The following DLGAP2 variants were observed in gnomAD, a reference collection of about 807,000 sequenced individuals.
DLGAP2 encodes disks large-associated protein 2.
DLGAP2 carries 26 observed loss-of-function variants against 100.3 expected under a neutral mutation model. The ratio of observed to expected loss-of-function variants is 0.26; its 90% CI spans 0.19 to 0.36. DLGAP2 has a LOEUF of 0.36. Ranked by LOEUF, DLGAP2 falls within the 10% of genes least tolerant of loss-of-function variation. The pLI is 1.00. For synonymous variants in DLGAP2, 886 were observed against 630.1 expected, an observed-to-expected ratio of 1.41 and a Z score of -6.08; for missense variants, 1,858 against 1,453.2, an observed-to-expected ratio of 1.28 and a Z score of -4.53.
intron 1 of DLGAP2, among the ~76,000 whole-genome samples, chr8:856,189 T>TCTTCTTC (rs1563065837): frequency 4.8e-5 from 7 of 147,246 alleles, no homozygotes; most frequent in Non-Finnish European, 7.5e-5. Flanking sequence ...CTTCTTCTTT[T>TCTTCTTC]TTTTTTTTTT....
At chr8:1,392,454 C>G (rs7018084) in intron 3 of DLGAP2, among the ~76,000 whole-genome samples, 45,364 of 151,950 alleles carry the variant, frequency 0.3, 7,010 homozygotes, top group Middle Eastern at 0.4. Context: ...CAAACCCGTT[C>G]CGCTGACTTG....
chr8:786,806 C>CA (rs1406767522), intron 1 of DLGAP2, among the ~76,000 whole-genome samples: 10 of 151,452 alleles, frequency 6.6e-5, no homozygotes, highest in African/African-American at 2.2e-4. Context: ...CCTTGTCTTC[C>CA]GTTTTTTTTT....
chr8:1,003,361 C>G (rs541365390), intron 2 of DLGAP2: 1 of 152,388 alleles, frequency 6.6e-6, no homozygotes, highest in South Asian at 2.1e-4. Context: ...GCAGAAAGTT[C>G]ATGCATCGCA....
At chr8:809,048 A>G (rs1796321005) in intron 1 of DLGAP2, among the ~76,000 whole-genome samples, 1 of 151,962 alleles carries the variant, frequency 6.6e-6, no homozygotes, top group Admixed American at 6.6e-5. Flanking sequence ...CTGAGATTAC[A>G]GGTGTGCACC....
At chr8:749,469 A>G (rs955036024) in intron 1 of DLGAP2, among the ~76,000 whole-genome samples, 2 of 150,906 alleles carry the variant, frequency 1.3e-5, no homozygotes, top group East Asian at 1.9e-4. Context: ...TTTTTTTTTC[A>G]CTTTATATTC....
chr8:1,110,247 A>T (rs1264765379), intron 2 of DLGAP2, among the ~76,000 whole-genome samples: 2 of 117,222 alleles, frequency 1.7e-5, no homozygotes, highest in Non-Finnish European at 1.7e-5. Flanking sequence ...TGGATCTGTG[A>T]GGTGTGCACG....
At chr8:1,447,350 G>C (rs538753428) in intron 3 of DLGAP2, among the ~76,000 whole-genome samples, 3,454 of 152,212 alleles carry the variant, frequency 0.023, 115 homozygotes, top group African/African-American at 0.079. Context: ...TAATCATGTG[G>C]TTTTTGTCTT....
chr8:1,594,844 C>G (rs1249158544), intron 6 of DLGAP2, among the ~76,000 whole-genome samples: 1 of 152,186 alleles, frequency 6.6e-6, no homozygotes, highest in Non-Finnish European at 1.5e-5. Flanking sequence ...TGATCTTTCT[C>G]TGTGCTCTAC....
intron 12 of DLGAP2, among the ~76,000 whole-genome samples, chr8:1,685,066 T>A (rs1354510634): frequency 2.0e-5 from 3 of 152,042 alleles, no homozygotes; most frequent in Non-Finnish European, 4.4e-5. Context: ...TGACCACAAG[T>A]CCTATTAACA....
intron 1 of DLGAP2, among the ~76,000 whole-genome samples, chr8:868,662 C>T (rs78189461): frequency 1.4e-3 from 206 of 152,316 alleles, no homozygotes; most frequent in African/African-American, 4.6e-3. Context: ...TCCAAGGGTG[C>T]GCGGCACCTT....
At chr8:1,374,778 C>T (rs962151203) in intron 3 of DLGAP2, among the ~76,000 whole-genome samples, 1 of 152,184 alleles carries the variant, frequency 6.6e-6, no homozygotes, top group African/African-American at 2.4e-5. Flanking sequence ...GGCACCGAGG[C>T]ACCTAACGTC....
intron 2 of DLGAP2, among the ~76,000 whole-genome samples, chr8:1,205,879 G>T (rs1014414613): frequency 2.0e-5 from 3 of 152,186 alleles, no homozygotes; most frequent in African/African-American, 7.2e-5. Context: ...GCAGCCAAGT[G>T]CAGTGGCACC....
At chr8:1,453,665 C>T (rs1242806567) in intron 3 of DLGAP2, among the ~76,000 whole-genome samples, 5 of 152,244 alleles carry the variant, frequency 3.3e-5, no homozygotes, top group East Asian at 1.9e-4. Flanking sequence ...TCCACCCAGC[C>T]GAACTCTCTA....
chr8:1,258,736 T>C, intron 2 of DLGAP2, 115 bp from the exon 3 acceptor site: 2 of 890,434 alleles, frequency 2.2e-6, no homozygotes, highest in African/African-American at 3.5e-5. Context: ...GGCTCTGGTG[T>C]GGTCAAGCGG....
intron 4 of DLGAP2, among the ~76,000 whole-genome samples, chr8:1,515,520 G>A (rs752024736): frequency 6.6e-6 from 1 of 151,998 alleles, no homozygotes; most frequent in Non-Finnish European, 1.5e-5. Context: ...ACAGGTGCAT[G>A]CACATGCAGA....
intron 2 of DLGAP2, among the ~76,000 whole-genome samples, chr8:1,172,681 C>G (rs973976284): frequency 6.6e-6 from 1 of 152,146 alleles, no homozygotes; most frequent in Admixed American, 6.5e-5. Flanking sequence ...CACATCGGCT[C>G]CTGGGGCTTC....
chr8:980,594 C>G (rs1800303189), intron 2 of DLGAP2, among the ~76,000 whole-genome samples: 1 of 152,126 alleles, frequency 6.6e-6, no homozygotes, highest in Non-Finnish European at 1.5e-5. Context: ...TGTGTGCTGT[C>G]CATGGCGCTG....
intron 2 of DLGAP2, among the ~76,000 whole-genome samples, chr8:1,113,462 TTGTGAA>T (rs1423018074): frequency 2.6e-5 from 4 of 152,210 alleles, no homozygotes; most frequent in Non-Finnish European, 5.9e-5. Flanking sequence ...TTTGTGGCAG[TTGTGAA>T]TGTAATTACC....
At chr8:931,648 C>T (rs1798961431) in intron 2 of DLGAP2, among the ~76,000 whole-genome samples, 1 of 152,198 alleles carries the variant, frequency 6.6e-6, no homozygotes, top group Admixed American at 6.5e-5. Context: ...CTTGCCAGCC[C>T]ATTCTGAGTT....
Sources: allele counts gnomAD v4.1 joint callset (sites outside exome capture counted in the v4.1 genomes callset), GRCh38; gene constraint gnomAD v4.1.1; transcripts MANE v1.5; gene names NCBI Gene and HGNC (gene_info 2026-07-23, HGNC 2026-07-21).